SIN3B: variants seen among roughly 807,000 people sequenced by gnomAD.
SIN3B encodes the protein SIN3 transcription regulator family member B, also known as paired amphipathic helix protein Sin3b.
SIN3B carries 19 observed loss-of-function variants against 120.2 expected under a neutral mutation model. The ratio of observed to expected loss-of-function variants is 0.16; its 90% confidence interval spans 0.11 to 0.23. The LOEUF (loss-of-function observed/expected upper bound fraction) is 0.23, where lower values mean the gene tolerates loss of function less well. Ranked by LOEUF, SIN3B falls within the 10% of genes least tolerant of loss-of-function variation. The probability of loss-of-function intolerance (pLI) is 1.00; values close to 1 mark genes in which losing one functional copy is unlikely to be tolerated. For synonymous variants in SIN3B, 654 were observed against 653.2 expected, an observed-to-expected ratio of 1.00 and a Z score of -0.02; for missense variants, 1,073 against 1,573.0, an observed-to-expected ratio of 0.68 and a Z score of 5.38.
At chr19:16,846,941 C>T (rs754704921) in intron 4 of SIN3B, 29 bp from the exon 5 acceptor site, 3 of 1,610,508 alleles carry the variant, frequency 1.9e-6, no homozygotes, top group South Asian at 2.2e-5. Flanking sequence ...TGACTAACGA[C>T]TTATTTTCCC....
intron 12 of SIN3B, among the ~76,000 whole-genome samples, chr19:16,866,825 C>G (rs1470940415): frequency 2.6e-5 from 4 of 152,198 alleles, no homozygotes; most frequent in Non-Finnish European, 4.4e-5. Flanking sequence ...GGTGTGATCT[C>G]AGCTCACTGT....
intron 8 of SIN3B, among the ~76,000 whole-genome samples, chr19:16,861,712 G>A (rs1232323529): frequency 1.3e-5 from 2 of 150,350 alleles, no homozygotes; most frequent in African/African-American, 4.9e-5. Context: ...GAAGTGAGCC[G>A]AGATTGTGCC....
rs142026795 is a variant in SIN3B, at chr19:16,862,405, T to G, written c.1112T>G (p.Leu371Arg). 6.2e-7 allele frequency: 1 copy of G among 1,614,092 alleles called. No individual in the cohort carries two copies. Among genetic ancestry groups the G allele is most frequent in the Non-Finnish European group, 8.5e-7 (1 of 1,180,042 alleles). The change falls in exon 9 of 19, where the codon CTG becomes CGG. Residue 371 changes from leucine to arginine, a missense_variant. By Grantham distance (102) the Leu-to-Arg change is moderately radical. Coordinates refer to ENST00000248054, the MANE Select transcript of SIN3B (RefSeq NM_001297595.2). This position sits in a 1 kb window ranked among gnomAD's most constrained non-coding sequence, Gnocchi z 4.7. ...QFKSFLGVKE[L>R]SFAPPMSDRS... is the part of the protein sequence containing the mutation. ...AAGTCCTTCCTGGGGGTAAAAGAGC[T>G]GTCCTTCGCGCCACCCATGAGCGAC...
intron 3 of SIN3B, among the ~76,000 whole-genome samples, chr19:16,834,757 G>A (rs1368517260): frequency 6.6e-6 from 1 of 152,050 alleles, no homozygotes; most frequent in Admixed American, 6.6e-5. Flanking sequence ...CTTCAGGACA[G>A]AAACATGAGA....
chr19:16,861,916 C>G (rs1971694371), intron 8 of SIN3B, among the ~76,000 whole-genome samples: 1 of 152,142 alleles, frequency 6.6e-6, no homozygotes, highest in Non-Finnish European at 1.5e-5. Context: ...GCCTGGGCAA[C>G]AGAGTAAGAC....
intron 5 of SIN3B, among the ~76,000 whole-genome samples, chr19:16,848,432 T>C (rs956240656): frequency 6.6e-6 from 1 of 151,988 alleles, no homozygotes. Context: ...CCAGGTTTTT[T>C]TTTTTTTTTT....
At chr19:16,845,197 T>G (rs1971464399) in intron 4 of SIN3B, among the ~76,000 whole-genome samples, 1 of 152,232 alleles carries the variant, frequency 6.6e-6, no homozygotes. Flanking sequence ...GTTGAGGGCG[T>G]ACTATGCATT....
intron 9 of SIN3B, chr19:16,863,464 G>A: frequency 1.7e-6 from 1 of 572,572 alleles, no homozygotes; most frequent in Non-Finnish European, 3.1e-6. Context: ...TTCAGGGGTG[G>A]TTCTGGAACC....
intron 3 of SIN3B, among the ~76,000 whole-genome samples, chr19:16,836,694 C>T (rs910023347): frequency 3.9e-5 from 6 of 152,174 alleles, no homozygotes; most frequent in Non-Finnish European, 8.8e-5. Flanking sequence ...CTGGTGGGAA[C>T]ATGGCCGCTC....
intron 17 of SIN3B, 66 bp from the exon 18 acceptor site, chr19:16,878,117 C>T: frequency 7.3e-7 from 1 of 1,373,628 alleles, no homozygotes; most frequent in Non-Finnish European, 9.8e-7. Flanking sequence ...GGGGGTTTCC[C>T]AGCCTGCAAA....
At chr19:16,835,322 G>A (rs1290978418) in intron 3 of SIN3B, among the ~76,000 whole-genome samples, 6 of 148,794 alleles carry the variant, frequency 4.0e-5, no homozygotes, top group African/African-American at 9.9e-5. Context: ...TCTGCCTCCC[G>A]GGTTCAAGTG....
intron 3 of SIN3B, 38 bp downstream of exon 3, chr19:16,831,685 A>G: frequency 6.2e-7 from 1 of 1,604,532 alleles, no homozygotes; most frequent in African/African-American, 1.3e-5. Flanking sequence ...CTCAGCCTTC[A>G]CCGAGTATGT....
chr19:16,850,342 T>C (rs75247876), intron 5 of SIN3B, among the ~76,000 whole-genome samples: 2 of 152,334 alleles, frequency 1.3e-5, no homozygotes, highest in East Asian at 1.9e-4. Context: ...GTGTCTTGTA[T>C]ATCTTTCCAG....
intron 3 of SIN3B, among the ~76,000 whole-genome samples, chr19:16,836,331 G>T (rs1971348854): frequency 1.3e-5 from 2 of 152,148 alleles, no homozygotes; most frequent in South Asian, 4.1e-4. Flanking sequence ...TGTGTGGCCA[G>T]TGACGACCTG....
chr19:16,876,890 C>A lies in SIN3B; in HGVS notation c.2859+312C>A, dbSNP rs1326580044. 2 of 324,988 alleles carry A rather than the reference C, an allele frequency of 6.2e-6. No individual in the cohort carries two copies. Among genetic ancestry groups the A allele is most frequent in the Non-Finnish European group, 1.1e-5 (2 of 174,410 alleles). 20.1% of individuals were successfully genotyped at this position (324,988 alleles called of 1,614,324 possible). ...CACTCAGGGCATCCCGTGGCTGTGACCTCTGCACCTCTTGTGTCAGGGCTG... is the reference window on the plus strand; with the variant it reads ...CACTCAGGGCATCCCGTGGCTGTGAACTCTGCACCTCTTGTGTCAGGGCTG... On this transcript the variant is annotated intron_variant, in intron 16 of 18. Transcript: ENST00000248054. This position sits in a 1 kb window ranked among gnomAD's most constrained non-coding sequence, Gnocchi z 7.1.
intron 3 of SIN3B, 79 bp downstream of exon 3, chr19:16,831,726 C>T (rs1971281460): frequency 7.8e-7 from 1 of 1,274,186 alleles, no homozygotes. Flanking sequence ...ACGTGTCTCT[C>T]CTGTATCATT....
chr19:16,852,310 C>T (rs1183163843), intron 6 of SIN3B, among the ~76,000 whole-genome samples: 1 of 152,214 alleles, frequency 6.6e-6, no homozygotes, highest in South Asian at 2.1e-4. Context: ...GGGTTTCACT[C>T]TGCCACCTAG....
chr19:16,865,398 T>G lies in SIN3B; in HGVS notation c.1384-12T>G. 7.0e-6 allele frequency: 11 copies of G among 1,576,744 alleles called. No individual in the cohort carries two copies. Among genetic ancestry groups the G allele is most frequent in the Non-Finnish European group, 8.7e-6 (10 of 1,150,808 alleles). On this transcript the variant is annotated splice_polypyrimidine_tract_variant and intron_variant, in intron 10 of 18. Coordinates refer to ENST00000248054, the MANE Select transcript of SIN3B (RefSeq NM_001297595.2). ...CCCAGTGGCTGACCCCGTCCTGCCT[T>G]CCTTTCCATAGTTAGACGTTGTCCT...
At chr19:16,857,836 G>C (rs1261513225) in intron 8 of SIN3B, among the ~76,000 whole-genome samples, 1 of 151,888 alleles carries the variant, frequency 6.6e-6, no homozygotes, top group Non-Finnish European at 1.5e-5. Context: ...ATCTGGGTTG[G>C]GTTTGCTTTG....
Sources: allele counts gnomAD v4.1 joint callset (sites outside exome capture counted in the v4.1 genomes callset), GRCh38; gene constraint gnomAD v4.1.1; non-coding constraint Gnocchi (gnomAD v3.1); transcripts MANE v1.5; gene names NCBI Gene and HGNC (gene_info 2026-07-23, HGNC 2026-07-21).